Variants in DACH2 observed in about 807,000 individuals in gnomAD.
DACH2 encodes the protein dachshund homolog 2.
DACH2 carries 17 observed loss-of-function variants against 35.8 expected under a neutral mutation model. The observed-to-expected ratio is 0.48, with a 90% CI of 0.33 to 0.71. DACH2 has a LOEUF of 0.71. Among genes scored for constraint, DACH2 ranks in the 30% least tolerant of loss-of-function variants. DACH2 has a pLI of 0.02. For missense variants in DACH2, 469 were observed against 472.7 expected (o/e 0.99, Z 0.07); for synonymous variants, 195 against 177.3 (o/e 1.10, Z -0.79).
At chrX:86,605,873 T>G (rs2039851526) in intron 3 of DACH2, among the ~76,000 whole-genome samples, 1 of 111,270 alleles carries the variant, frequency 9.0e-6, no homozygotes, top group African/African-American at 3.3e-5. Flanking sequence ...TCATTTTTTC[T>G]TTGTCTTTTT....
At chrX:86,220,246 A>G (rs1272968096) in intron 1 of DACH2, among the ~76,000 whole-genome samples, 1 of 109,729 alleles carries the variant, frequency 9.1e-6, no homozygotes, top group Admixed American at 9.8e-5. Context: ...ACTTCACATG[A>G]TATCTGCCAT....
At chrX:86,564,255 T>C (rs1294183146) in intron 3 of DACH2, among the ~76,000 whole-genome samples, 2 of 111,435 alleles carry the variant, frequency 1.8e-5, no homozygotes, top group Non-Finnish European at 3.8e-5. Context: ...CCAACTATCA[T>C]GCACTAATTA....
intron 5 of DACH2, among the ~76,000 whole-genome samples, chrX:86,697,720 C>A (rs758384212): frequency 9.2e-6 from 1 of 109,025 alleles, no homozygotes; most frequent in Non-Finnish European, 1.9e-5. Flanking sequence ...AGAACTCCAA[C>A]AAAATGAAGA....
intron 7 of DACH2, among the ~76,000 whole-genome samples, chrX:86,745,407 C>T (rs1436783635): frequency 1.8e-5 from 2 of 110,970 alleles, no homozygotes; most frequent in African/African-American, 3.3e-5. Flanking sequence ...TGAATCCTCT[C>T]CCTCTTCCCA....
intron 2 of DACH2, among the ~76,000 whole-genome samples, chrX:86,467,358 A>C (rs1264904854): frequency 9.0e-6 from 1 of 111,427 alleles, no homozygotes; most frequent in East Asian, 2.8e-4. Context: ...TTCATTTCCC[A>C]ACAAGTTTCT....
chrX:86,455,654 C>T (rs1041481432), intron 2 of DACH2, among the ~76,000 whole-genome samples: 8 of 112,606 alleles, frequency 7.1e-5, no homozygotes, highest in Admixed American at 2.8e-4. Context: ...GGAATGTATG[C>T]GTTTACTGAA....
At chrX:86,348,995 G>A (rs1166323392) in intron 1 of DACH2, among the ~76,000 whole-genome samples, 1 of 112,448 alleles carries the variant, frequency 8.9e-6, no homozygotes, top group Non-Finnish European at 1.9e-5. Flanking sequence ...TGCTCTTTTA[G>A]TTTTGCCATC....
At chrX:86,764,530 C>A (rs1044220843) in intron 7 of DACH2, among the ~76,000 whole-genome samples, 2 of 111,862 alleles carry the variant, frequency 1.8e-5, no homozygotes, top group African/African-American at 6.5e-5. Flanking sequence ...GCTCCCAGCT[C>A]TATCCATGTT....
At position 86,148,993 on chromosome X, in the gene DACH2, G is replaced by A. The variant is rs780826743; in HGVS notation, c.373G>A (p.Val125Ile). 2.7e-5 allele frequency: 33 copies of A among 1,209,132 alleles called. No homozygotes were observed. The highest frequency in any genetic ancestry group is 7.1e-5 in the South Asian group (4 of 56,712). ...GGATATATCCCCCGTGGTGTGTACT[G>A]TTGAGCAGGTCCGGATCCTCCGCGG... ...RLDISPVVCT[V>I]EQVRILRGLG... Residue 125 changes from valine (V) to isoleucine (I), a missense_variant, in exon 1 of 12, where the codon GTT becomes ATT. Val to Ile is a conservative substitution (Grantham distance 29). Coordinates refer to ENST00000373125, the MANE Select transcript of DACH2 (RefSeq NM_053281.3).
Position 86,832,309 on chromosome X carries a change from G to C in DACH2, c.*154G>C, listed in dbSNP as rs184084209. 3 of 456,273 alleles carry C rather than the reference G, an allele frequency of 6.6e-6. No homozygotes were observed. The highest frequency in any genetic ancestry group is 1.1e-5 in the Non-Finnish European group (3 of 273,634). 37.6% of individuals were successfully genotyped at this position (456,273 alleles called of 1,213,427 possible). ...CTATGTTACATTAAAAAAGAAACGC[G>C]TGTACATTTTAAAAGCAATGATGTA... On this transcript the variant is annotated 3_prime_UTR_variant, in exon 12 of 12. Transcript: ENST00000373125.
chrX:86,149,074 T>C lies in DACH2; in HGVS notation c.454T>C (p.Phe152Leu), dbSNP rs1325653538. ...NRCKLITRKD[F>L]ETLFTDCTNA... Reference sequence around the variant, plus strand: ...CTGCAAACTCATCACCAGGAAAGACTTCGAAACTTTGTTCACCGATTGCAC... The same window carrying C: ...CTGCAAACTCATCACCAGGAAAGACCTCGAAACTTTGTTCACCGATTGCAC... Residue 152 changes from phenylalanine to leucine, a missense_variant, in exon 1 of 12, where the codon TTC becomes CTC. Around this residue, in one of 3 missense-constraint regions of DACH2, gnomAD observed 7 missense variants for 24.1 expected, o/e 0.29. Coordinates refer to ENST00000373125, the MANE Select transcript of DACH2 (RefSeq NM_053281.3). 2 of 1,187,543 alleles carry C rather than the reference T, an allele frequency of 1.7e-6. No homozygotes were observed. The highest frequency in any genetic ancestry group is 3.6e-5 in the African/African-American group (2 of 56,137).
intron 7 of DACH2, among the ~76,000 whole-genome samples, chrX:86,753,652 A>G (rs1002642978): frequency 9.8e-5 from 11 of 111,686 alleles, no homozygotes; most frequent in African/African-American, 1.9e-4. Context: ...TGTACCCTAC[A>G]TTATTTCAGG....
intron 3 of DACH2, among the ~76,000 whole-genome samples, chrX:86,579,126 C>G (rs1413308198): frequency 2.8e-5 from 3 of 107,123 alleles, no homozygotes; most frequent in Non-Finnish European, 5.8e-5. Context: ...GAGTTTCGCT[C>G]TTGTTGCCCA....
intron 7 of DACH2, among the ~76,000 whole-genome samples, chrX:86,777,976 G>A (rs751519587): frequency 5.4e-5 from 6 of 111,484 alleles, no homozygotes; most frequent in Non-Finnish European, 1.1e-4. Flanking sequence ...TAATTTATAT[G>A]CATCATCAAA....
At position 86,445,581 on chromosome X, in the gene DACH2, A is replaced by AAAT. The variant is rs1556171636; in HGVS notation, c.528-68698_528-68697insAAT. 4.9e-3 allele frequency among the ~76,000 whole-genome samples: 496 copies of AAAT among 101,637 alleles called. 10 individuals are homozygous for AAAT. Among genetic ancestry groups the AAAT allele is most frequent in the African/African-American group, 0.016 (443 of 27,264 alleles). 88.3% of individuals were successfully genotyped at this position (101,637 alleles called of 115,157 possible). A position where few individuals can be genotyped will look rare whatever the true frequency, so the allele number is the denominator to read the frequency against. On this transcript the variant is annotated intron_variant, in intron 2 of 11. Coordinates refer to ENST00000373125, the MANE Select transcript of DACH2 (RefSeq NM_053281.3). ...TCAGAGTGAACAAAAAAAAAAAAAA[A>AAAT]GAAATTTTTAAAATGTCATCAAATT...
chrX:86,641,404 AG>A (rs1374575677), intron 3 of DACH2, among the ~76,000 whole-genome samples: 1 of 112,322 alleles, frequency 8.9e-6, no homozygotes, highest in African/African-American at 3.2e-5. Context: ...ACAAAAATAA[AG>A]AAAGAAAATA....
intron 2 of DACH2, among the ~76,000 whole-genome samples, chrX:86,475,861 T>A (rs1351330254): frequency 1.8e-5 from 2 of 111,649 alleles, no homozygotes; most frequent in Non-Finnish European, 3.8e-5. Context: ...ATGTTCCTCA[T>A]TTTTTTGAGG....
In DACH2 at chrX:86,783,280, G is replaced by A. The variant is rs375608943; in HGVS notation, c.1241-29576G>A. Among the ~76,000 whole-genome samples, 17 of 112,029 alleles carry A rather than the reference G, an allele frequency of 1.5e-4. No individual in the cohort carries two copies. In the East Asian group the frequency reaches 3.7e-3, roughly 24 times the overall value. On this transcript the variant is annotated intron_variant, in intron 7 of 11. Coordinates refer to ENST00000373125, the MANE Select transcript of DACH2 (RefSeq NM_053281.3). Reference sequence around the variant, plus strand: ...GATAGGCAATAACAAATGCTGGCAAGTTTGTGAAGAAAAGGGACCCCTCGT... The same window carrying A: ...GATAGGCAATAACAAATGCTGGCAAATTTGTGAAGAAAAGGGACCCCTCGT...
intron 1 of DACH2, among the ~76,000 whole-genome samples, chrX:86,176,860 A>G (rs1361996470): frequency 1.8e-5 from 2 of 112,251 alleles, no homozygotes; most frequent in African/African-American, 6.5e-5. Context: ...AATTTATTAT[A>G]AACTGATTTC....
Sources: gnomAD v4.1 joint callset for allele counts (sites outside exome capture counted in the v4.1 genomes callset) on GRCh38, gnomAD v4.1.1 for gene constraint, gnomAD v4.1.1 regional missense constraint, MANE v1.5 for transcripts, NCBI Gene and HGNC (gene_info 2026-07-23, HGNC 2026-07-21) for gene names.